The following TENM1 variants were observed in gnomAD, a reference collection of about 807,000 sequenced individuals.
The protein encoded by TENM1 is teneurin transmembrane protein 1, also known as teneurin-1.
Under a neutral mutation model 174.8 loss-of-function variants are expected in TENM1, and 35 were observed. That is an observed-to-expected ratio of 0.20 (90% CI 0.15 to 0.27). TENM1 has a LOEUF of 0.27. Ranked by LOEUF, TENM1 falls within the 10% of genes least tolerant of loss-of-function variation. The pLI, the probability that TENM1 is intolerant of heterozygous loss-of-function variation, is 1.00. For missense variants in TENM1, 1,633 were observed against 2,130.1 expected (o/e 0.77, Z 4.59); for synonymous variants, 781 against 798.7 (o/e 0.98, Z 0.37).
At chrX:124,472,997 G>A (rs1318488884) in intron 22 of TENM1, among the ~76,000 whole-genome samples, 6 of 111,769 alleles carry the variant, frequency 5.4e-5, no homozygotes, top group African/African-American at 2.0e-4. Context: ...GGACAGAAGT[G>A]TCCTAATTAA....
chrX:124,396,709 C>T (rs896183115), intron 27 of TENM1, among the ~76,000 whole-genome samples: 4 of 111,596 alleles, frequency 3.6e-5, no homozygotes, highest in Non-Finnish European at 7.5e-5. Context: ...GCTGAGAAAG[C>T]TCCACATTCA....
At chrX:124,960,060 A>G (rs1334513346) in intron 1 of TENM1, among the ~76,000 whole-genome samples, 1 of 111,958 alleles carries the variant, frequency 8.9e-6, no homozygotes, top group Non-Finnish European at 1.9e-5. Context: ...ATTACAATTG[A>G]TCATGAAATT....
At chrX:125,164,504 T>TA in the TENM1 span, among the ~76,000 whole-genome samples, 1 of 112,045 alleles carries the variant, frequency 8.9e-6, no homozygotes, top group East Asian at 2.8e-4. Flanking sequence ...CAGGCTACAC[T>TA]AAATTTCTCT....
At chrX:124,827,637 T>A (rs10126952) in intron 3 of TENM1, among the ~76,000 whole-genome samples, 1,177 of 111,666 alleles carry the variant, frequency 0.011, 14 homozygotes, top group African/African-American at 0.036. Flanking sequence ...CATTATTATT[T>A]TTTTTTATAT....
chrX:124,994,730 C>A, the TENM1 span, among the ~76,000 whole-genome samples: 1 of 110,750 alleles, frequency 9.0e-6, no homozygotes, highest in South Asian at 3.8e-4. Context: ...CTCTTCACTG[C>A]CACTATCCTT....
intron 11 of TENM1, among the ~76,000 whole-genome samples, chrX:124,638,963 T>C (rs1465912245): frequency 9.1e-6 from 1 of 110,310 alleles, no homozygotes; most frequent in East Asian, 2.8e-4. Context: ...CAACTACAGC[T>C]TCAATTCAGG....
chrX:124,451,798 C>A (rs1275584272), intron 23 of TENM1, among the ~76,000 whole-genome samples: 1 of 111,751 alleles, frequency 8.9e-6, no homozygotes, highest in Non-Finnish European at 1.9e-5. Context: ...ATAAATGGTG[C>A]TGGGAAAACT....
intron 21 of TENM1, 44 bp from the exon 25 acceptor site, chrX:124,482,008 A>T: frequency 1.1e-6 from 1 of 905,275 alleles, no homozygotes; most frequent in Non-Finnish European, 1.6e-6. Context: ...ATTTTTCAAC[A>T]CGAACCCCCT....
intron 3 of TENM1, among the ~76,000 whole-genome samples, chrX:124,812,477 T>C (rs1226815045): frequency 1.8e-5 from 2 of 111,428 alleles, no homozygotes; most frequent in East Asian, 5.6e-4. Flanking sequence ...ATCTAGCAAA[T>C]GTCATGAATT....
chrX:124,518,580 G>C (rs1031330608), intron 18 of TENM1, among the ~76,000 whole-genome samples: 2 of 111,494 alleles, frequency 1.8e-5, no homozygotes, highest in African/African-American at 6.5e-5. Flanking sequence ...ATGAAAAAAA[G>C]CAATACCAGC....
At chrX:124,928,514 C>T (rs1296946875) in intron 1 of TENM1, among the ~76,000 whole-genome samples, 1 of 111,801 alleles carries the variant, frequency 8.9e-6, no homozygotes, top group Non-Finnish European at 1.9e-5. Context: ...GCATATAGTC[C>T]CTTCAGCCTT....
At chrX:124,583,097 TG>T (rs2049374426) in intron 11 of TENM1, among the ~76,000 whole-genome samples, 1 of 112,076 alleles carries the variant, frequency 8.9e-6, no homozygotes, top group South Asian at 3.8e-4. Context: ...GCTCCACCTC[TG>T]GGGGCAGGGC....
chrX:124,985,158 T>C, the TENM1 span, among the ~76,000 whole-genome samples: 1 of 112,174 alleles, frequency 8.9e-6, no homozygotes, highest in African/African-American at 3.2e-5. Flanking sequence ...CTCTAATAAT[T>C]ATTGCTAATG....
At chrX:124,533,850 A>G (rs767648966) in intron 15 of TENM1, among the ~76,000 whole-genome samples, 5 of 111,380 alleles carry the variant, frequency 4.5e-5, no homozygotes, top group African/African-American at 9.8e-5. Flanking sequence ...GCTCAACGGC[A>G]GGCATTGCAT....
At chrX:125,163,300 C>A in the TENM1 span, among the ~76,000 whole-genome samples, 3 of 110,422 alleles carry the variant, frequency 2.7e-5, no homozygotes, top group Admixed American at 9.8e-5. Context: ...GTGAGCCACT[C>A]TTGCAACAGG....
chrX:124,639,477 C>T (rs188885054), intron 11 of TENM1, among the ~76,000 whole-genome samples: 122 of 112,078 alleles, frequency 1.1e-3, no homozygotes, highest in Non-Finnish European at 1.8e-3. Flanking sequence ...GGGCCCTGGA[C>T]ATGGTCCAAC....
intron 25 of TENM1, among the ~76,000 whole-genome samples, chrX:124,419,177 A>G (rs1196932565): frequency 8.9e-6 from 1 of 112,523 alleles, no homozygotes; most frequent in Non-Finnish European, 1.9e-5. Flanking sequence ...CATTTTTCTA[A>G]GTGAAACCAA....
chrX:124,684,088 G>A lies in TENM1; in HGVS notation c.1016-12253C>T, dbSNP rs138962458. Among the ~76,000 whole-genome samples, 377 of 111,596 alleles carry A rather than the reference G, an allele frequency of 3.4e-3. 2 individuals carry two copies. The highest frequency in any genetic ancestry group is 0.012 in the African/African-American group (369 of 30,755). Reference sequence around the variant, plus strand: ...AAACATGGACAAAAGACATCAATAGGCAATTCACAAAAAAGAAATGGAAAT... The same window carrying A: ...AAACATGGACAAAAGACATCAATAGACAATTCACAAAAAAGAAATGGAAAT... On this transcript the variant is annotated intron_variant, in intron 5 of 31. Coordinates refer to ENST00000422452, the Ensembl canonical transcript of TENM1.
the TENM1 span, among the ~76,000 whole-genome samples, chrX:124,974,749 T>C: frequency 9.4e-6 from 1 of 106,520 alleles, no homozygotes; most frequent in East Asian, 2.9e-4. Flanking sequence ...CTGATTTCCA[T>C]AAAGAAGCTC....
Sources: allele counts gnomAD v4.1 joint callset (sites outside exome capture counted in the v4.1 genomes callset), GRCh38; gene constraint gnomAD v4.1.1; transcripts MANE v1.5; gene names NCBI Gene and HGNC (gene_info 2026-07-23, HGNC 2026-07-21).